Variants in ZEB1 observed in about 807,000 individuals in gnomAD.
The protein encoded by ZEB1 is zinc finger E-box-binding homeobox 1.
A neutral mutation model predicts 84.9 loss-of-function variants in ZEB1; 21 were observed. The ratio of observed to expected loss-of-function variants is 0.25; its 90% CI spans 0.18 to 0.36. The LOEUF (loss-of-function observed/expected upper bound fraction) is 0.36. Among genes scored for constraint, ZEB1 ranks in the 10% least tolerant of loss-of-function variants. ZEB1 has a pLI of 1.00. For missense variants in ZEB1, 1,104 were observed against 1,330.2 expected, an observed-to-expected ratio of 0.83 and a Z score of 2.65; for synonymous variants, 420 against 471.1, an observed-to-expected ratio of 0.89 and a Z score of 1.41.
At chr10:31,360,560 G>T (rs1028423752) in intron 1 of ZEB1, among the ~76,000 whole-genome samples, 4 of 152,174 alleles carry the variant, frequency 2.6e-5, no homozygotes, top group African/African-American at 9.7e-5. Flanking sequence ...TAATTATTCA[G>T]AAATGAATGG....
At chr10:31,525,925 A>G (rs927570352) in intron 8 of ZEB1, among the ~76,000 whole-genome samples, 2 of 152,210 alleles carry the variant, frequency 1.3e-5, no homozygotes, top group African/African-American at 2.4e-5. Flanking sequence ...AAACTACACT[A>G]TTTCTAAAAT....
At chr10:31,352,404 T>C (rs780232626) in intron 1 of ZEB1, among the ~76,000 whole-genome samples, 2 of 152,252 alleles carry the variant, frequency 1.3e-5, no homozygotes, top group Non-Finnish European at 2.9e-5. Context: ...ACTGGCATTG[T>C]TGAAATACAT....
chr10:31,342,381 A>C (rs868509975), intron 1 of ZEB1, among the ~76,000 whole-genome samples: 1 of 152,158 alleles, frequency 6.6e-6, no homozygotes, highest in African/African-American at 2.4e-5. Context: ...GATCTCTCTG[A>C]GGATAGTGGA....
At chr10:31,449,165 G>A (rs2060207559) in intron 1 of ZEB1, among the ~76,000 whole-genome samples, 1 of 152,214 alleles carries the variant, frequency 6.6e-6, no homozygotes, top group African/African-American at 2.4e-5. Flanking sequence ...GGGTGGGAGT[G>A]ACCCGATTTT....
At chr10:31,327,580 A>C (rs906316392) in intron 1 of ZEB1, among the ~76,000 whole-genome samples, 1 of 152,178 alleles carries the variant, frequency 6.6e-6, no homozygotes, top group Non-Finnish European at 1.5e-5. Context: ...CTTAGATACC[A>C]ATAATTCTGT....
In ZEB1 at chr10:31,418,105, A is replaced by G. The variant is rs143147703; in HGVS notation, c.59-42932A>G. 5.7e-3 allele frequency among the ~76,000 whole-genome samples: 870 copies of G among 152,068 alleles called. 12 individuals carry two copies. The highest frequency in any genetic ancestry group is 0.02 in the African/African-American group (811 of 41,468). ...TCTCCTAAATTATACCAAATGAAACAAAGTAACAGTGTGTGTTTGCTATGG... is the reference window on the plus strand; with the variant it reads ...TCTCCTAAATTATACCAAATGAAACGAAGTAACAGTGTGTGTTTGCTATGG... On this transcript the variant is annotated intron_variant, in intron 1 of 8. Transcript: ENST00000424869.
intron 1 of ZEB1, among the ~76,000 whole-genome samples, chr10:31,373,977 A>G (rs751306633): frequency 2.6e-5 from 4 of 151,726 alleles, no homozygotes; most frequent in East Asian, 3.9e-4. Flanking sequence ...TCTGTGTCCA[A>G]TCAGATCCAT....
chr10:31,429,322 T>A (rs2057380046), intron 1 of ZEB1, among the ~76,000 whole-genome samples: 1 of 152,210 alleles, frequency 6.6e-6, no homozygotes, highest in Admixed American at 6.5e-5. Context: ...CTTATGAAGC[T>A]TAGTTTGGCT....
In ZEB1 at chr10:31,491,511, G is replaced by A. The variant is rs569487219; in HGVS notation, c.260-4265G>A. 3.5e-4 allele frequency among the ~76,000 whole-genome samples: 53 copies of A among 151,890 alleles called. No individual in the cohort carries two copies. The South Asian group carries it at 0.011, about 31-fold the overall frequency. ...AGAGCCTTCACTGCCATGCCCCAGG[G>A]CCCACTTTCAGGTTTTAAGCTCCCT... On this transcript the variant is annotated intron_variant, in intron 2 of 8. Transcript: ENST00000424869.
At chr10:31,368,889 G>A (rs1332355473) in intron 1 of ZEB1, among the ~76,000 whole-genome samples, 1 of 152,162 alleles carries the variant, frequency 6.6e-6, no homozygotes, top group African/African-American at 2.4e-5. Context: ...TTTAGGTGTT[G>A]CCTAATAAGT....
At chr10:31,502,667 C>G (rs1461386155) in intron 4 of ZEB1, among the ~76,000 whole-genome samples, 158 bp downstream of exon 4, 2 of 152,156 alleles carry the variant, frequency 1.3e-5, no homozygotes, top group Non-Finnish European at 2.9e-5. Flanking sequence ...TAATGGAACA[C>G]TATGATGACC....
intron 1 of ZEB1, chr10:31,362,969 C>T (rs1414007089): frequency 9.1e-6 from 14 of 1,534,106 alleles, no homozygotes; most frequent in Non-Finnish European, 1.1e-5. Context: ...AACAGTGCCT[C>T]AGGAGATAGA....
At chr10:31,524,574 C>T (rs956446122) in intron 8 of ZEB1, among the ~76,000 whole-genome samples, 1 of 152,136 alleles carries the variant, frequency 6.6e-6, no homozygotes, top group South Asian at 2.1e-4. Context: ...CCCACTTCTA[C>T]CTAGTACTTA....
chr10:31,498,571 G>T (rs1304634330), intron 3 of ZEB1, among the ~76,000 whole-genome samples: 1 of 151,706 alleles, frequency 6.6e-6, no homozygotes, highest in African/African-American at 2.4e-5. Context: ...ACCCTAAGAG[G>T]TACTGTTATA....
intron 8 of ZEB1, among the ~76,000 whole-genome samples, chr10:31,525,682 G>C (rs1042035336): frequency 6.6e-6 from 1 of 151,998 alleles, no homozygotes. Context: ...TTTTACTCTT[G>C]TGAGAAAAGA....
chr10:31,485,811 T>G (rs1264341005), intron 2 of ZEB1, among the ~76,000 whole-genome samples: 3 of 151,744 alleles, frequency 2.0e-5, no homozygotes, highest in Non-Finnish European at 4.4e-5. Flanking sequence ...ATAAGTGTAT[T>G]CATGTAGCAA....
At chr10:31,452,815 T>TGGAA (rs58828148) in intron 1 of ZEB1, among the ~76,000 whole-genome samples, 17,486 of 150,050 alleles carry the variant, frequency 0.12, 2,628 homozygotes, top group African/African-American at 0.34. Context: ...GAATAATGGA[T>TGGAA]GGAAACACTT....
At chr10:31,480,644 G>C (rs1472130512) in intron 2 of ZEB1, among the ~76,000 whole-genome samples, 1 of 151,928 alleles carries the variant, frequency 6.6e-6, no homozygotes, top group Non-Finnish European at 1.5e-5. Context: ...AGTATTTCTG[G>C]GTATCTTGAG....
intron 1 of ZEB1, among the ~76,000 whole-genome samples, chr10:31,376,571 G>A (rs2046658244): frequency 6.6e-6 from 1 of 151,630 alleles, no homozygotes; most frequent in Admixed American, 6.6e-5. Flanking sequence ...AAACTACCAA[G>A]TTGTAATAGT....
Sources: gnomAD v4.1 joint callset for allele counts (sites outside exome capture counted in the v4.1 genomes callset) on GRCh38, gnomAD v4.1.1 for gene constraint, MANE v1.5 for transcripts, NCBI Gene and HGNC (gene_info 2026-07-23, HGNC 2026-07-21) for gene names.